The following NALF1 variants were observed in gnomAD, a reference collection of about 807,000 sequenced individuals.
The protein encoded by NALF1 is family with sequence similarity 155 member A.
NALF1 carries 3 observed loss-of-function variants against 48.4 expected under a neutral mutation model. The ratio of observed to expected loss-of-function variants is 0.06; its 90% CI spans 0.03 to 0.16. The LOEUF is 0.16. NALF1 is among the 10% of genes least tolerant of loss of function. The pLI, the probability that NALF1 is intolerant of heterozygous loss-of-function variation, is 1.00. For synonymous variants in NALF1, 262 were observed against 245.7 expected, an observed-to-expected ratio of 1.07 and a Z score of -0.62; for missense variants, 526 against 571.5, an observed-to-expected ratio of 0.92 and a Z score of 0.81.
intron 1 of NALF1, among the ~76,000 whole-genome samples, chr13:107,354,284 G>T (rs1882924497): frequency 6.6e-6 from 1 of 152,146 alleles, no homozygotes; most frequent in Non-Finnish European, 1.5e-5. Flanking sequence ...GTACACTTGT[G>T]CTGCACGACA....
intron 1 of NALF1, among the ~76,000 whole-genome samples, chr13:107,706,873 T>C (rs1875386354): frequency 6.6e-6 from 1 of 151,862 alleles, no homozygotes; most frequent in African/African-American, 2.4e-5. Flanking sequence ...GTTGAAAACA[T>C]ATGGGGAGAG....
intron 1 of NALF1, among the ~76,000 whole-genome samples, chr13:107,684,807 A>G (rs1881394140): frequency 6.6e-6 from 1 of 152,206 alleles, no homozygotes; most frequent in African/African-American, 2.4e-5. Context: ...ATTTGGTGTA[A>G]AGTTCCTAAT....
chr13:107,236,339 G>A (rs1880341429), intron 1 of NALF1, among the ~76,000 whole-genome samples: 1 of 152,096 alleles, frequency 6.6e-6, no homozygotes, highest in African/African-American at 2.4e-5. Context: ...CTCCCCTATA[G>A]AGGAGTAACT....
At chr13:107,209,486 G>A (rs1031270025) in intron 2 of NALF1, among the ~76,000 whole-genome samples, 1 of 140,314 alleles carries the variant, frequency 7.1e-6, no homozygotes, top group Non-Finnish European at 1.5e-5. Flanking sequence ...GACACAGAGC[G>A]AGACTCCATC....
At chr13:107,173,355 A>G (rs1296086947) in intron 2 of NALF1, among the ~76,000 whole-genome samples, 1 of 152,216 alleles carries the variant, frequency 6.6e-6, no homozygotes, top group Non-Finnish European at 1.5e-5. Flanking sequence ...CAGTATAAGG[A>G]TGACATAAAT....
intron 1 of NALF1, among the ~76,000 whole-genome samples, chr13:107,228,628 C>CT (rs1297077308): frequency 6.6e-6 from 1 of 151,726 alleles, no homozygotes; most frequent in African/African-American, 2.4e-5. Flanking sequence ...GCCGGTAATT[C>CT]TTTTTTTTGG....
intron 1 of NALF1, among the ~76,000 whole-genome samples, chr13:107,349,148 C>T (rs1260810647): frequency 6.6e-6 from 1 of 152,188 alleles, no homozygotes. Flanking sequence ...TCTCATTAGC[C>T]TGATTCTATC....
intron 1 of NALF1, among the ~76,000 whole-genome samples, chr13:107,467,221 C>T (rs1204833037): frequency 6.6e-6 from 1 of 152,050 alleles, no homozygotes; most frequent in Non-Finnish European, 1.5e-5. Context: ...TCCATGTTGA[C>T]ATAGAAGTAA....
intron 1 of NALF1, among the ~76,000 whole-genome samples, chr13:107,549,107 A>G (rs1877218024): frequency 6.6e-6 from 1 of 152,180 alleles, no homozygotes; most frequent in African/African-American, 2.4e-5. Context: ...CCTTACAAAC[A>G]TGTTCTTTTG....
intron 1 of NALF1, among the ~76,000 whole-genome samples, chr13:107,393,828 CT>C (rs1234944640): frequency 2.0e-5 from 3 of 151,994 alleles, no homozygotes; most frequent in African/African-American, 7.3e-5. Flanking sequence ...CTATATAACT[CT>C]AGGCAGTTTA....
rs970897953 is a variant in NALF1 at position 107,321,877 on chromosome 13, C to T, written c.916-111122G>A. 1.1e-4 allele frequency among the ~76,000 whole-genome samples: 16 copies of T among 148,992 alleles called. No individual in the cohort carries two copies. The East Asian group carries it at 2.3e-3, about 22-fold the overall frequency. The stretch of plus-strand genomic sequence containing the variant: ...ATAAGAATTCCAAAACCTAAAAAAA[C>T]GGTATATATTTCATTTCTGTCACAT... On this transcript the variant is annotated intron_variant, in intron 1 of 2. Transcript: ENST00000375915.
At chr13:107,188,666 C>T (rs148641745) in intron 2 of NALF1, among the ~76,000 whole-genome samples, 38 of 152,244 alleles carry the variant, frequency 2.5e-4, no homozygotes, top group Middle Eastern at 3.4e-3. Flanking sequence ...TATTACTCTT[C>T]TTCCAGTTGA....
At chr13:107,579,584 G>GTCTTT (rs1415692708) in intron 1 of NALF1, among the ~76,000 whole-genome samples, 1 of 21,812 alleles carries the variant, frequency 4.6e-5, no homozygotes, top group African/African-American at 1.4e-4. Context: ...ACAGTCTGAT[G>GTCTTT]CCTTTCTTTT....
intron 1 of NALF1, among the ~76,000 whole-genome samples, chr13:107,801,426 G>A (rs911343291): frequency 6.6e-6 from 1 of 152,150 alleles, no homozygotes; most frequent in African/African-American, 2.4e-5. Flanking sequence ...AATTACTAAA[G>A]GAGGCTGGCA....
intron 1 of NALF1, among the ~76,000 whole-genome samples, chr13:107,479,616 T>C (rs1885223708): frequency 6.7e-6 from 1 of 150,364 alleles, no homozygotes; most frequent in Non-Finnish European, 1.5e-5. Context: ...CTAGATGAAA[T>C]TTTAAGGGAG....
intron 1 of NALF1, among the ~76,000 whole-genome samples, chr13:107,236,679 AT>A (rs1880351247): frequency 4.2e-5 from 2 of 47,698 alleles, no homozygotes; most frequent in East Asian, 4.4e-4. Context: ...CTGTCTATCT[AT>A]CTATCTATCT....
At chr13:107,628,781 A>G (rs1879753096) in intron 1 of NALF1, among the ~76,000 whole-genome samples, 1 of 152,322 alleles carries the variant, frequency 6.6e-6, no homozygotes, top group East Asian at 1.9e-4. Flanking sequence ...ATTTATTTTA[A>G]AAACCTGGGC....
At chr13:107,447,960 C>T (rs1443561735) in intron 1 of NALF1, among the ~76,000 whole-genome samples, 2 of 152,120 alleles carry the variant, frequency 1.3e-5, no homozygotes, top group Non-Finnish European at 2.9e-5. Flanking sequence ...GTCTTCTGAT[C>T]CACTTCTTGG....
In NALF1 at chr13:107,831,495, A is replaced by G. The variant is rs114820907; in HGVS notation, c.915+34187T>C. Reference sequence around the variant, plus strand: ...CTGCAGAGTTTCGCTGGTTTGGCTTAGGTCAAAGTACAAATAAACTATTTT... The same window carrying G: ...CTGCAGAGTTTCGCTGGTTTGGCTTGGGTCAAAGTACAAATAAACTATTTT... On this transcript the variant is annotated intron_variant, in intron 1 of 2. Coordinates refer to ENST00000375915, the MANE Select transcript of NALF1 (RefSeq NM_001080396.3). 4.3e-3 allele frequency among the ~76,000 whole-genome samples: 654 copies of G among 152,260 alleles called. 3 individuals are homozygous for G. The highest frequency in any genetic ancestry group is 0.015 in the African/African-American group (618 of 41,552).
Sources: gnomAD v4.1 joint callset for allele counts (sites outside exome capture counted in the v4.1 genomes callset) on GRCh38, gnomAD v4.1.1 for gene constraint, MANE v1.5 for transcripts, NCBI Gene and HGNC (gene_info 2026-07-23, HGNC 2026-07-21) for gene names.